COX16: variants seen among roughly 807,000 people sequenced by gnomAD.
COX16 encodes the protein cytochrome c oxidase assembly factor COX16.
COX16 carries 12 observed loss-of-function variants against 15.4 expected under a neutral mutation model. The observed-to-expected ratio is 0.78, with a 90% confidence interval of 0.50 to 1.26. COX16 has a LOEUF of 1.26. COX16 is among the 50% of genes most tolerant of loss of function. COX16 has a pLI of 0.00. For missense variants in COX16, 124 were observed against 127.6 expected, an observed-to-expected ratio of 0.97 and a Z score of 0.14; for synonymous variants, 46 against 41.1, an observed-to-expected ratio of 1.12 and a Z score of -0.46.
intron 1 of COX16, among the ~76,000 whole-genome samples, chr14:70,354,841 C>CGTGT (rs55646280): frequency 0.039 from 5,767 of 148,616 alleles, 284 homozygotes; most frequent in Admixed American, 0.12. Context: ...TGTGTGTGTG[C>CGTGT]GTGTGTGTGT....
intron 1 of COX16, among the ~76,000 whole-genome samples, chr14:70,348,575 C>T (rs1447261179): frequency 6.6e-6 from 1 of 152,082 alleles, no homozygotes; most frequent in Non-Finnish European, 1.5e-5. Context: ...GTCACCCCCT[C>T]ACACACACTA....
At chr14:70,351,589 G>A (rs1047130954) in intron 1 of COX16, among the ~76,000 whole-genome samples, 4 of 151,768 alleles carry the variant, frequency 2.6e-5, no homozygotes, top group African/African-American at 9.7e-5. Context: ...AGCCTTTTCT[G>A]TTTTTGAATT....
chr14:70,359,347 G>A (rs746942705), intron 1 of COX16, 172 bp downstream of exon 1: 7 of 682,112 alleles, frequency 1.0e-5, no homozygotes, highest in Non-Finnish European at 1.9e-5. Flanking sequence ...AAGTGGGGGT[G>A]TGGAAAAGAC....
At chr14:70,350,351 A>T (rs536087220) in intron 1 of COX16, among the ~76,000 whole-genome samples, 16 of 152,266 alleles carry the variant, frequency 1.1e-4, no homozygotes, top group African/African-American at 3.9e-4. Flanking sequence ...TCCCGTCCTC[A>T]CTTGGGGTTG....
intron 1 of COX16, among the ~76,000 whole-genome samples, chr14:70,343,204 C>A (rs1031397174): frequency 1.3e-5 from 2 of 152,274 alleles, no homozygotes; most frequent in Middle Eastern, 3.4e-3. Flanking sequence ...GAAACCTGAT[C>A]AACTGATCAG....
chr14:70,327,127 G>A (rs1886105374), intron 3 of COX16, among the ~76,000 whole-genome samples: 1 of 151,570 alleles, frequency 6.6e-6, no homozygotes, highest in Admixed American at 6.6e-5. Context: ...CTGCTGTTTT[G>A]GTTGTTCTGA....
rs114353827 is a variant in COX16, at chr14:70,348,609, G to A, written c.70-5880C>T. Among the ~76,000 whole-genome samples the A allele has an allele frequency of 2.0e-3, 299 of 152,002 alleles. 1 individual carries two copies. Among genetic ancestry groups the A allele is most frequent in the African/African-American group, 7.0e-3 (291 of 41,438 alleles). On this transcript the variant is annotated intron_variant, in intron 1 of 3. Coordinates refer to ENST00000389912, the MANE Select transcript of COX16 (RefSeq NM_016468.7). ...TACTGAAGCCAATCCGCTCCCCCAG[G>A]CACCACCTCCCAAAAAGCTGAATGC... is the stretch of plus-strand genomic sequence containing the variant.
At position 70,342,678 on chromosome 14, in the gene COX16, A is replaced by G. The variant is rs1486425194; in HGVS notation, c.121T>C (p.Tyr41His). Reference sequence around the variant, plus strand: ...CTTACTTTACTCTTCACAGCATCATATCGGATTTGAGAAAACTCACGAAGA... The same window carrying G: ...CTTACTTTACTCTTCACAGCATCATGTCGGATTTGAGAAAACTCACGAAGA... The part of the protein sequence containing the change: ...FGLREFSQIR[Y>H]DAVKSKMDPE... The change falls in exon 2 of 4, where the codon TAT becomes CAT. Residue 41 changes from tyrosine (Y) to histidine (H), a missense_variant. Physicochemically the swap from Tyr to His is moderately conservative, Grantham distance 83 (BLOSUM62 2). Coordinates refer to ENST00000389912, the MANE Select transcript of COX16 (RefSeq NM_016468.7). The G allele has an allele frequency of 1.2e-6, 2 of 1,613,020 alleles. No homozygotes were observed. Among genetic ancestry groups the G allele is most frequent in the Non-Finnish European group, 1.7e-6 (2 of 1,179,770 alleles).
chr14:70,354,915 CCT>C (rs1204334036), intron 1 of COX16, among the ~76,000 whole-genome samples: 1 of 151,630 alleles, frequency 6.6e-6, no homozygotes, highest in Non-Finnish European at 1.5e-5. Context: ...AATCCACACT[CCT>C]AACTAAATAT....
rs1483064897 is a variant in COX16, at chr14:70,325,749, A to G, written c.*584T>C. The G allele has an allele frequency of 6.6e-6, 1 of 152,132 alleles. No homozygotes were observed. The highest frequency in any genetic ancestry group is 1.5e-5 in the Non-Finnish European group (1 of 68,034). 9.4% of individuals were successfully genotyped at this position (152,132 alleles called of 1,614,324 possible). ...TACTTCATAATTTTTGACAACCATA[A>G]ATAATATAATTTCCTTGACATGTTA... On this transcript the variant is annotated 3_prime_UTR_variant, in exon 4 of 4. Coordinates refer to ENST00000389912, the MANE Select transcript of COX16 (RefSeq NM_016468.7).
intron 1 of COX16, among the ~76,000 whole-genome samples, chr14:70,352,635 CT>C (rs869290362): frequency 1.2e-4 from 14 of 118,832 alleles, no homozygotes; most frequent in Non-Finnish European, 6.8e-5. Flanking sequence ...AAATATATTT[CT>C]TTTTTTTTCT....
Position 70,359,652 on chromosome 14 carries a change from G to A in COX16, c.-65C>T. On this transcript the variant is annotated 5_prime_UTR_variant, in exon 1 of 4. Coordinates refer to ENST00000389912, the MANE Select transcript of COX16 (RefSeq NM_016468.7). ...TAGCGCAGACTCCCAAATCTCAGCA[G>A]CTCACGCTCTCACCAAGACGAGTAC... The A allele has an allele frequency of 7.0e-7, 1 of 1,430,442 alleles. No homozygotes were observed. The highest frequency in any genetic ancestry group is 2.3e-5 in the East Asian group (1 of 43,844). The allele number at this position is 1,430,442 out of a possible 1,614,324, so 88.6% of individuals were successfully genotyped here.
At chr14:70,358,815 T>C (rs1887209864) in intron 1 of COX16, among the ~76,000 whole-genome samples, 1 of 152,208 alleles carries the variant, frequency 6.6e-6, no homozygotes, top group African/African-American at 2.4e-5. Flanking sequence ...TCAACTCTGG[T>C]TGTCTTAAGC....
chr14:70,347,249 G>T (rs533349461), intron 1 of COX16, among the ~76,000 whole-genome samples: 1 of 152,258 alleles, frequency 6.6e-6, no homozygotes, highest in East Asian at 1.9e-4. Flanking sequence ...TTAAAAGCCA[G>T]ATGGAACTTA....
chr14:70,332,827 AGAGAAC>A (rs1181259740), intron 2 of COX16, among the ~76,000 whole-genome samples: 1 of 152,232 alleles, frequency 6.6e-6, no homozygotes, highest in Non-Finnish European at 1.5e-5. Context: ...CTGCCTATGC[AGAGAAC>A]TGTTGGGAGG....
At chr14:70,340,187 C>A (rs1414963369) in intron 2 of COX16, among the ~76,000 whole-genome samples, 1 of 152,174 alleles carries the variant, frequency 6.6e-6, no homozygotes, top group Non-Finnish European at 1.5e-5. Context: ...ATAGTAAGTT[C>A]TCACAAGATC....
chr14:70,335,533 A>G (rs1400112944), intron 2 of COX16, among the ~76,000 whole-genome samples: 2 of 152,008 alleles, frequency 1.3e-5, no homozygotes, highest in Non-Finnish European at 2.9e-5. Context: ...GCAATCAATA[A>G]CAAGAGGAGC....
At chr14:70,347,734 T>A (rs571887254) in intron 1 of COX16, among the ~76,000 whole-genome samples, 21 of 152,262 alleles carry the variant, frequency 1.4e-4, no homozygotes, top group Non-Finnish European at 2.1e-4. Context: ...TAGTCACTTA[T>A]CTAGGCCTGG....
intron 1 of COX16, among the ~76,000 whole-genome samples, chr14:70,350,363 C>G (rs572727167): frequency 6.6e-6 from 1 of 152,228 alleles, no homozygotes; most frequent in South Asian, 2.1e-4. Flanking sequence ...TTGGGGTTGA[C>G]GCCATTTTAG....
Sources: allele counts gnomAD v4.1 joint callset (sites outside exome capture counted in the v4.1 genomes callset), GRCh38; gene constraint gnomAD v4.1.1; transcripts MANE v1.5; gene names NCBI Gene and HGNC (gene_info 2026-07-23, HGNC 2026-07-21).